The following KSR2 variants were observed in gnomAD, a reference collection of about 807,000 sequenced individuals.
KSR2 encodes the protein kinase suppressor of ras 2.
KSR2 carries 25 observed loss-of-function variants against 107.8 expected under a neutral mutation model. The ratio of observed to expected loss-of-function variants is 0.23; its 90% CI spans 0.17 to 0.32. The LOEUF is 0.32. KSR2 is among the 10% of genes least tolerant of loss of function. KSR2 has a pLI of 1.00. For synonymous variants in KSR2, 480 were observed against 507.0 expected, an observed-to-expected ratio of 0.95 and a Z score of 0.71; for missense variants, 887 against 1,268.9, an observed-to-expected ratio of 0.70 and a Z score of 4.57.
intron 1 of KSR2, among the ~76,000 whole-genome samples, chr12:117,941,373 G>GA (rs5801261): frequency 0.13 from 20,154 of 151,184 alleles, 1,417 homozygotes; most frequent in Middle Eastern, 0.18. Flanking sequence ...GCCATTTGGG[G>GA]AAAAAAAATC....
intron 2 of KSR2, among the ~76,000 whole-genome samples, chr12:117,856,869 G>A (rs567400767): frequency 6.6e-6 from 1 of 152,114 alleles, no homozygotes; most frequent in Admixed American, 6.5e-5. Context: ...TAGCCAGAAA[G>A]AAGAAAACTG....
chr12:117,642,117 G>A (rs1214238909), intron 5 of KSR2, among the ~76,000 whole-genome samples: 1 of 152,146 alleles, frequency 6.6e-6, no homozygotes, highest in East Asian at 1.9e-4. Context: ...GGCTAGATTA[G>A]GCATCCCTGT....
chr12:117,567,784 G>A (rs547874865), intron 7 of KSR2, among the ~76,000 whole-genome samples: 1 of 151,932 alleles, frequency 6.6e-6, no homozygotes, highest in South Asian at 2.1e-4. Context: ...TCTTGTTTGA[G>A]CCAATGCTTC....
At chr12:117,587,334 A>AGAG (rs1880065017) in intron 5 of KSR2, among the ~76,000 whole-genome samples, 1 of 152,138 alleles carries the variant, frequency 6.6e-6, no homozygotes, top group Admixed American at 6.5e-5. Flanking sequence ...GAGGAGGGTG[A>AGAG]GAGTCAGAGG....
rs149651934 is a variant in KSR2, at chr12:117,683,619, G to A, written c.987-15961C>T. The stretch of plus-strand genomic sequence containing the variant: ...GTGCTTATTTTAGAGATTAAACTTC[G>A]CTCAGTGACAAATCATCTCTTGATA... On this transcript the variant is annotated intron_variant, in intron 4 of 19. Transcript: ENST00000339824. 3.2e-4 allele frequency among the ~76,000 whole-genome samples: 48 copies of A among 152,262 alleles called. No homozygotes were observed. In the East Asian group the frequency reaches 5.4e-3, roughly 17 times the overall value.
intron 5 of KSR2, among the ~76,000 whole-genome samples, chr12:117,628,602 T>C (rs1444980123): frequency 6.6e-6 from 1 of 151,994 alleles, no homozygotes; most frequent in African/African-American, 2.4e-5. Flanking sequence ...GCCACCTATA[T>C]GAGATGTCTG....
At chr12:117,673,638 G>A (rs1885004671) in intron 4 of KSR2, among the ~76,000 whole-genome samples, 1 of 152,170 alleles carries the variant, frequency 6.6e-6, no homozygotes, top group South Asian at 2.1e-4. Context: ...TGGACAAGAT[G>A]TGGGATTCAC....
In KSR2 at chr12:117,484,391, TC is replaced by T. The variant is rs761894594; in HGVS notation, c.2450+24del. 8 of 1,612,932 alleles carry T rather than the reference TC, an allele frequency of 5.0e-6. 1 individual carries two copies. In the South Asian group the frequency reaches 7.7e-5, roughly 16 times the overall value. On this transcript the variant is annotated intron_variant, in intron 16 of 19. Coordinates refer to ENST00000339824, the MANE Select transcript of KSR2 (RefSeq NM_173598.6). Reference sequence around the variant, plus strand: ...CTGACCATCATCTGTCAGGAAACTCTCCGGGTCTTCCCACTGCCTCTCACCT... The same window carrying T: ...CTGACCATCATCTGTCAGGAAACTCTCGGGTCTTCCCACTGCCTCTCACCT...
chr12:117,526,048 G>T (rs1482578280), intron 13 of KSR2, among the ~76,000 whole-genome samples: 1 of 152,134 alleles, frequency 6.6e-6, no homozygotes, highest in African/African-American at 2.4e-5. Context: ...TTAGATGAAG[G>T]CCTGTTAAGT....
chr12:117,846,679 G>A (rs1466085022), intron 3 of KSR2, among the ~76,000 whole-genome samples: 2 of 152,246 alleles, frequency 1.3e-5, no homozygotes, highest in Admixed American at 6.5e-5. Flanking sequence ...CTGTGATGAT[G>A]GGGATGTTCT....
intron 1 of KSR2, among the ~76,000 whole-genome samples, chr12:117,950,321 G>C (rs1896323378): frequency 6.6e-6 from 1 of 152,130 alleles, no homozygotes; most frequent in Non-Finnish European, 1.5e-5. Flanking sequence ...TTCATGGACA[G>C]AGAAAGGGAT....
chr12:117,858,180 A>G (rs542156093), intron 2 of KSR2, among the ~76,000 whole-genome samples: 2 of 152,322 alleles, frequency 1.3e-5, no homozygotes, highest in South Asian at 2.1e-4. Context: ...ACATGTCTGC[A>G]TATCAGAACC....
intron 5 of KSR2, among the ~76,000 whole-genome samples, chr12:117,612,825 C>T (rs12425044): frequency 0.069 from 10,553 of 152,208 alleles, 450 homozygotes; most frequent in Middle Eastern, 0.13. Flanking sequence ...TGGCAGTTTC[C>T]CCCATTCTGT....
chr12:117,731,744 C>T (rs4644702), intron 4 of KSR2, among the ~76,000 whole-genome samples: 7,295 of 151,648 alleles, frequency 0.048, 575 homozygotes, highest in African/African-American at 0.16. Flanking sequence ...CCCCCAACCC[C>T]GTGCTCTCTG....
rs1271643474 is a variant in KSR2 at position 117,755,818 on chromosome 12, GTTCTT to G, written c.986+5188_986+5192del. Among the ~76,000 whole-genome samples the G allele has an allele frequency of 2.6e-3, 390 of 152,310 alleles. 1 individual carries two copies. Among genetic ancestry groups the G allele is most frequent in the African/African-American group, 8.8e-3 (364 of 41,548 alleles). ...GTCAAGTTGTGAAGGCAAAGGAAAA[GTTCTT>G]TTTCTTAAGGAAACTAAAAGTGCTA... On this transcript the variant is annotated intron_variant, in intron 4 of 19. Coordinates refer to ENST00000339824, the MANE Select transcript of KSR2 (RefSeq NM_173598.6).
At chr12:117,707,237 G>A (rs539520005) in intron 4 of KSR2, among the ~76,000 whole-genome samples, 2 of 152,254 alleles carry the variant, frequency 1.3e-5, no homozygotes, top group Admixed American at 1.3e-4. Flanking sequence ...GAGCAGGGAG[G>A]TGTAGGGATG....
intron 7 of KSR2, among the ~76,000 whole-genome samples, chr12:117,575,497 T>C (rs772704020): frequency 2.6e-5 from 4 of 152,220 alleles, no homozygotes; most frequent in Non-Finnish European, 5.9e-5. Context: ...TATCAGCTCA[T>C]AAGTGCATCC....
chr12:117,533,273 T>C (rs145393153), intron 10 of KSR2, among the ~76,000 whole-genome samples: 4 of 152,202 alleles, frequency 2.6e-5, no homozygotes, highest in African/African-American at 9.6e-5. Flanking sequence ...CTCCCTGAGG[T>C]TGAAATGTAT....
intron 4 of KSR2, among the ~76,000 whole-genome samples, chr12:117,703,880 G>C (rs902908777): frequency 2.0e-5 from 3 of 152,156 alleles, no homozygotes; most frequent in African/African-American, 7.2e-5. Context: ...AAATAAAACA[G>C]GATGAAATCA....
Sources: allele counts gnomAD v4.1 joint callset (sites outside exome capture counted in the v4.1 genomes callset), GRCh38; gene constraint gnomAD v4.1.1; transcripts MANE v1.5; gene names NCBI Gene and HGNC (gene_info 2026-07-23, HGNC 2026-07-21).